ENPP4: variants seen among roughly 807,000 people sequenced by gnomAD.
ENPP4 encodes ectonucleotide pyrophosphatase/phosphodiesterase 4.
In ENPP4, 18 loss-of-function variants were observed where a neutral mutation model predicts 33.4. The observed-to-expected ratio is 0.54, with a 90% CI of 0.37 to 0.80. The LOEUF is 0.80. Ranked by LOEUF, ENPP4 falls within the 30% of genes least tolerant of loss-of-function variation. The pLI is 0.00. For missense variants in ENPP4, 480 were observed against 541.7 expected (o/e 0.89, Z 1.13); for synonymous variants, 172 against 189.9 (o/e 0.91, Z 0.78).
intron 1 of ENPP4, among the ~76,000 whole-genome samples, chr6:46,132,913 G>A (rs1166400313): frequency 1.3e-5 from 2 of 151,896 alleles, no homozygotes; most frequent in Non-Finnish European, 2.9e-5. Context: ...TCTCTTTGAA[G>A]CAATTGTGAA....
chr6:46,143,537 T>C lies in ENPP4; in HGVS notation c.1259T>C (p.Met420Thr). 1 of 1,612,738 alleles carries C rather than the reference T, an allele frequency of 6.2e-7. No individual in the cohort carries two copies. The highest frequency in any genetic ancestry group is 8.5e-7 in the Non-Finnish European group (1 of 1,178,972). The change falls in exon 4 of 4, where the codon ATG (methionine) becomes ACG (threonine). Residue 420 changes from methionine (M) to threonine (T), a missense_variant. Physicochemically the swap from Met to Thr is moderately conservative, Grantham distance 81 (BLOSUM62 -1). Around this residue, in one of 3 missense-constraint regions of ENPP4, gnomAD observed 249 missense variants for 251.8 expected, o/e 0.99. Coordinates refer to ENST00000321037, the MANE Select transcript of ENPP4 (RefSeq NM_014936.5). ...IVIGSLLVLT[M>T]LTCLIIIMQN... ...ATCGGTTCACTCTTGGTGTTAACCATGCTAACATGCCTCATAATAATCATG... is the reference window on the plus strand; with the variant it reads ...ATCGGTTCACTCTTGGTGTTAACCACGCTAACATGCCTCATAATAATCATG...
intron 1 of ENPP4, 102 bp from the exon 2 acceptor site, chr6:46,139,449 T>C: frequency 5.1e-6 from 3 of 589,274 alleles, no homozygotes. Context: ...TAGGTAAAGC[T>C]GGCATATAAA....
intron 3 of ENPP4, among the ~76,000 whole-genome samples, 193 bp from the exon 4 acceptor site, chr6:46,143,081 CAT>C (rs1228790814): frequency 7.2e-6 from 1 of 138,186 alleles, no homozygotes; most frequent in Non-Finnish European, 1.6e-5. Context: ...GGAAAAGGGG[CAT>C]ATGTGTGTGT....
intron 2 of ENPP4, 48 bp from the exon 3 acceptor site, chr6:46,141,004 C>T: frequency 1.7e-5 from 21 of 1,244,640 alleles, no homozygotes; most frequent in South Asian, 7.3e-5. Flanking sequence ...ATATTTTTTC[C>T]TTATCAATCA....
intron 3 of ENPP4, 59 bp downstream of exon 3, chr6:46,141,281 A>G: frequency 7.8e-7 from 1 of 1,281,402 alleles, no homozygotes; most frequent in Non-Finnish European, 1.1e-6. Context: ...ACCTTGTGAT[A>G]CTGTTGTGTT....
At chr6:46,138,504 ATTCT>A (rs1764008092) in intron 1 of ENPP4, among the ~76,000 whole-genome samples, 1 of 151,822 alleles carries the variant, frequency 6.6e-6, no homozygotes, top group Non-Finnish European at 1.5e-5. Flanking sequence ...TATTTCAGAC[ATTCT>A]TTCTGTTCCT....
In ENPP4 at chr6:46,146,504, TA is replaced by T. The variant is rs1353074890; in HGVS notation, c.*2868del. 1 of 152,366 alleles carries T rather than the reference TA, an allele frequency of 6.6e-6. No individual in the cohort carries two copies. Among genetic ancestry groups the T allele is most frequent in the Non-Finnish European group, 1.5e-5 (1 of 67,878 alleles). The allele number at this position is 152,366 out of a possible 1,614,324, so 9.4% of individuals were successfully genotyped here. On this transcript the variant is annotated 3_prime_UTR_variant, in exon 4 of 4. Transcript: ENST00000321037. Reference sequence around the variant, plus strand: ...AAAATGTGTATTTATTGTTAATTCTTAAAATAGTGTGTAAATAAAATAACAT... The same window carrying T: ...AAAATGTGTATTTATTGTTAATTCTTAAATAGTGTGTAAATAAAATAACAT...
intron 1 of ENPP4, among the ~76,000 whole-genome samples, chr6:46,137,757 C>A (rs1004764570): frequency 2.0e-5 from 3 of 151,702 alleles, no homozygotes; most frequent in Non-Finnish European, 2.9e-5. Flanking sequence ...TTCCATGCAC[C>A]ACATTCAGAA....
At chr6:46,137,412 C>T (rs1157745087) in intron 1 of ENPP4, among the ~76,000 whole-genome samples, 4 of 151,872 alleles carry the variant, frequency 2.6e-5, no homozygotes, top group Non-Finnish European at 4.4e-5. Flanking sequence ...TCAATCCAAG[C>T]TTTCATGGAG....
At chr6:46,136,854 A>G (rs1318922720) in intron 1 of ENPP4, among the ~76,000 whole-genome samples, 1 of 151,932 alleles carries the variant, frequency 6.6e-6, no homozygotes, top group African/African-American at 2.4e-5. Flanking sequence ...ATGAGTGGGT[A>G]GCTGTTAAAA....
intron 1 of ENPP4, among the ~76,000 whole-genome samples, chr6:46,133,210 A>G (rs1004997186): frequency 3.3e-5 from 5 of 152,218 alleles, no homozygotes; most frequent in Non-Finnish European, 5.9e-5. Context: ...TGAAGCTGCT[A>G]GAAAACTTTG....
intron 3 of ENPP4, among the ~76,000 whole-genome samples, chr6:46,141,774 A>G (rs1015442689): frequency 6.6e-6 from 1 of 151,748 alleles, no homozygotes; most frequent in Non-Finnish European, 1.5e-5. Flanking sequence ...GCTTGCCTCA[A>G]ACTGAAGCTT....
intron 2 of ENPP4, 101 bp downstream of exon 2, chr6:46,140,510 T>G: frequency 1.4e-6 from 1 of 696,198 alleles, no homozygotes; most frequent in African/African-American, 1.8e-5. Context: ...TTTTGTAGTT[T>G]AGAACCATAT....
At chr6:46,142,486 AAT>A (rs1369707682) in intron 3 of ENPP4, among the ~76,000 whole-genome samples, 2 of 69,886 alleles carry the variant, frequency 2.9e-5, no homozygotes, top group African/African-American at 1.2e-4. Context: ...ATTTTTTTCT[AAT>A]ATATGTGTGT....
chr6:46,135,222 G>A (rs924661108), intron 1 of ENPP4, among the ~76,000 whole-genome samples: 1 of 152,018 alleles, frequency 6.6e-6, no homozygotes, highest in African/African-American at 2.4e-5. Context: ...TGGGTTATAT[G>A]GTAGCCCTAT....
chr6:46,133,705 C>T (rs1763936465), intron 1 of ENPP4, among the ~76,000 whole-genome samples: 1 of 152,082 alleles, frequency 6.6e-6, no homozygotes, highest in Admixed American at 6.5e-5. Flanking sequence ...GAATTTCTCT[C>T]AATGTTTTAT....
chr6:46,134,153 A>C (rs1018354239), intron 1 of ENPP4, among the ~76,000 whole-genome samples: 5 of 151,950 alleles, frequency 3.3e-5, no homozygotes, highest in Non-Finnish European at 7.4e-5. Flanking sequence ...TTTTTTTCCC[A>C]ACATCTTTGT....
Position 46,133,034 on chromosome 6 carries a change from C to T in ENPP4, c.-34+2845C>T, listed in dbSNP as rs527876316. ...AGACTTTGCTGAAGTTGCTTATCAG[C>T]TTAAGGAGATTCTGGGCTGAGACAA... On this transcript the variant is annotated intron_variant, in intron 1 of 3. Coordinates refer to ENST00000321037, the MANE Select transcript of ENPP4 (RefSeq NM_014936.5). Among the ~76,000 whole-genome samples the T allele has an allele frequency of 2.2e-4, 34 of 152,190 alleles. 1 individual carries two copies. In the South Asian group the frequency reaches 6.9e-3, roughly 31 times the overall value.
chr6:46,131,482 T>A (rs763174644), intron 1 of ENPP4, among the ~76,000 whole-genome samples: 1 of 152,128 alleles, frequency 6.6e-6, no homozygotes, highest in Non-Finnish European at 1.5e-5. Flanking sequence ...ACAAAGGACA[T>A]GAACTCATCA....
Sources: allele counts gnomAD v4.1 joint callset (sites outside exome capture counted in the v4.1 genomes callset), GRCh38; gene constraint gnomAD v4.1.1; regional missense constraint gnomAD v4.1.1; transcripts MANE v1.5; gene names NCBI Gene and HGNC (gene_info 2026-07-23, HGNC 2026-07-21).